TLN2: variants seen among roughly 807,000 people sequenced by gnomAD.
The protein encoded by TLN2 is talin-2.
A neutral mutation model predicts 294.7 loss-of-function variants in TLN2; 118 were observed. That is an observed-to-expected ratio of 0.40 (90% CI 0.34 to 0.47). TLN2 has a LOEUF of 0.47. TLN2 is among the 20% of genes least tolerant of loss of function. The pLI is 0.84. For missense variants in TLN2, 3,083 were observed against 3,282.2 expected (o/e 0.94, Z 1.48); for synonymous variants, 1,431 against 1,304.5 (o/e 1.10, Z -2.09).
At chr15:62,533,253 C>CAAAA (rs10650730) in intron 1 of TLN2, among the ~76,000 whole-genome samples, 1,575 of 51,264 alleles carry the variant, frequency 0.031, 77 homozygotes, top group Non-Finnish European at 0.045. Flanking sequence ...GACTCTGTCT[C>CAAAA]AAAAAAAAAA....
chr15:62,465,107 T>A (rs910944294), intron 1 of TLN2, among the ~76,000 whole-genome samples: 8 of 61,470 alleles, frequency 1.3e-4, no homozygotes, highest in African/African-American at 6.0e-4. Context: ...TGAGCGCGTT[T>A]TTTTTTTTTT....
chr15:62,708,686 A>C lies in TLN2; in HGVS notation c.2357A>C (p.Gln786Pro). 6.2e-7 allele frequency: 1 copy of C among 1,614,140 alleles called. No individual in the cohort carries two copies. The highest frequency in any genetic ancestry group is 1.1e-5 in the South Asian group (1 of 91,088). Residue 786 changes from glutamine to proline, a missense_variant, in exon 21 of 59, where the codon CAG (glutamine) becomes CCG (proline). Physicochemically the swap from Gln to Pro is moderately conservative, Grantham distance 76 (BLOSUM62 -1). Coordinates refer to ENST00000636159, the MANE Select transcript of TLN2 (RefSeq NM_015059.3). ...VVSQALHDLL[Q>P]HVRQFASRGE... ...AGCCAGGCCCTCCATGATCTCCTGC[A>C]GCATGTGCGGCAGTTTGCCAGCCGA... is the stretch of plus-strand genomic sequence containing the variant.
At chr15:62,731,256 C>T (rs913755585) in intron 28 of TLN2, among the ~76,000 whole-genome samples, 10 of 151,842 alleles carry the variant, frequency 6.6e-5, no homozygotes, top group African/African-American at 2.4e-4. Flanking sequence ...ATCTGGATAG[C>T]CTGTAGCCTG....
chr15:62,761,902 C>G, intron 38 of TLN2, 81 bp downstream of exon 38: 1 of 1,566,750 alleles, frequency 6.4e-7, no homozygotes. Flanking sequence ...AGTTAAAACT[C>G]CAACAGCTCT....
chr15:62,462,204 A>T (rs1440806942), intron 1 of TLN2, among the ~76,000 whole-genome samples: 7 of 152,260 alleles, frequency 4.6e-5, no homozygotes, highest in Admixed American at 4.6e-4. Flanking sequence ...ACTGCGCTGC[A>T]GCCTGGGTGA....
intron 1 of TLN2, among the ~76,000 whole-genome samples, chr15:62,520,610 C>T (rs572932200): frequency 1.3e-5 from 2 of 152,288 alleles, no homozygotes; most frequent in Non-Finnish European, 2.9e-5. Flanking sequence ...TTTCTTATTT[C>T]TTCTAAACGG....
chr15:62,457,740 G>A (rs1322905576), intron 1 of TLN2, among the ~76,000 whole-genome samples: 2 of 152,198 alleles, frequency 1.3e-5, no homozygotes, highest in African/African-American at 4.8e-5. Flanking sequence ...AGGCAAAAAT[G>A]CTGCACCTGC....
At chr15:62,648,309 G>T (rs1313594525) in intron 4 of TLN2, among the ~76,000 whole-genome samples, 4 of 150,294 alleles carry the variant, frequency 2.7e-5, no homozygotes, top group Middle Eastern at 3.2e-3. Flanking sequence ...TAGTCTCAGG[G>T]CAGGAAAGTA....
intron 22 of TLN2, among the ~76,000 whole-genome samples, chr15:62,714,188 CGTTT>C (rs1415298603): frequency 1.4e-4 from 15 of 106,306 alleles, no homozygotes; most frequent in African/African-American, 5.0e-4. Flanking sequence ...CCAATGTGCA[CGTTT>C]TTTTTTTTTT....
chr15:62,798,489 C>T (rs2065685893), intron 48 of TLN2, among the ~76,000 whole-genome samples: 1 of 150,672 alleles, frequency 6.6e-6, no homozygotes, highest in African/African-American at 2.4e-5. Context: ...TAACAGCCAA[C>T]AAAAGTCGCT....
intron 2 of TLN2, among the ~76,000 whole-genome samples, chr15:62,615,851 G>A (rs2048273030): frequency 1.3e-5 from 2 of 152,212 alleles, no homozygotes; most frequent in East Asian, 1.9e-4. Context: ...GGAGTGTGTG[G>A]GTTTCTCCAT....
chr15:62,763,277 T>A, intron 39 of TLN2: 1 of 216,976 alleles, frequency 4.6e-6, no homozygotes, highest in Non-Finnish European at 8.9e-6. Context: ...GAATAGAAAA[T>A]CCAAGTCCAA....
chr15:62,755,372 C>T (rs551332051), intron 36 of TLN2, 160 bp from the exon 37 acceptor site: 3 of 832,612 alleles, frequency 3.6e-6, no homozygotes, highest in South Asian at 2.3e-5. Context: ...TCTTGCCCTC[C>T]TCTTTCTTGG....
intron 12 of TLN2, 102 bp from the exon 13 acceptor site, chr15:62,692,737 GA>G: frequency 1.2e-6 from 1 of 808,838 alleles, no homozygotes; most frequent in East Asian, 2.8e-5. Context: ...GAGGAGCAGG[GA>G]AAATGAAGTC....
At chr15:62,441,354 C>T (rs1316505823) in intron 1 of TLN2, among the ~76,000 whole-genome samples, 1 of 152,234 alleles carries the variant, frequency 6.6e-6, no homozygotes, top group Non-Finnish European at 1.5e-5. Context: ...GCTTCAGCCT[C>T]CTGAGTAGCT....
chr15:62,427,210 A>G (rs1370175868), intron 1 of TLN2, among the ~76,000 whole-genome samples: 3 of 152,068 alleles, frequency 2.0e-5, no homozygotes, highest in Non-Finnish European at 2.9e-5. Flanking sequence ...AACTTATTTT[A>G]TATTTTCATC....
chr15:62,831,866 C>T (rs1332736958), intron 54 of TLN2: 1 of 152,248 alleles, frequency 6.6e-6, no homozygotes, highest in African/African-American at 2.4e-5. Flanking sequence ...TCCCTCCTGT[C>T]TGACGTTTCA....
At chr15:62,409,987 T>A (rs1191551667) in intron 1 of TLN2, among the ~76,000 whole-genome samples, 1 of 152,226 alleles carries the variant, frequency 6.6e-6, no homozygotes, top group African/African-American at 2.4e-5. Context: ...CTCACGCCTG[T>A]GATCCCAGTA....
chr15:62,781,167 A>G lies in TLN2; in HGVS notation c.5542A>G (p.Lys1848Glu), dbSNP rs2141080668. The change falls in exon 44 of 59, where the codon AAG (lysine) becomes GAG (glutamate). Residue 1848 changes from lysine to glutamate, a missense_variant. Coordinates refer to ENST00000636159, the MANE Select transcript of TLN2 (RefSeq NM_015059.3). ...KLDEGTPPEP[K>E]GTFVDYQTTV... ...GGATGAAGGCACTCCTCCAGAACCA[A>G]AGGGAACATTTGTCGACTATCAGAC... 1 of 1,614,204 alleles carries G rather than the reference A, an allele frequency of 6.2e-7. No individual in the cohort carries two copies. Among genetic ancestry groups the G allele is most frequent in the East Asian group, 2.2e-5 (1 of 44,870 alleles).
Sources: allele counts gnomAD v4.1 joint callset (sites outside exome capture counted in the v4.1 genomes callset), GRCh38; gene constraint gnomAD v4.1.1; transcripts MANE v1.5; gene names NCBI Gene and HGNC (gene_info 2026-07-23, HGNC 2026-07-21).